Variants in UBR1 observed in about 807,000 individuals in gnomAD.
The protein encoded by UBR1 is ubiquitin protein ligase E3 component n-recognin 1.
A neutral mutation model predicts 242.1 loss-of-function variants in UBR1; 102 were observed. That is an observed-to-expected ratio of 0.42 (90% confidence interval 0.36 to 0.50). UBR1 has a LOEUF of 0.50. Ranked by LOEUF, UBR1 falls within the 20% of genes least tolerant of loss-of-function variation. UBR1 has a pLI of 0.01. For missense variants in UBR1, 1,772 were observed against 2,101.8 expected (o/e 0.84, Z 3.07); for synonymous variants, 675 against 684.8 (o/e 0.99, Z 0.22).
intron 1 of UBR1, among the ~76,000 whole-genome samples, chr15:43,094,243 G>A (rs559869190): frequency 9.3e-4 from 142 of 152,036 alleles, no homozygotes; most frequent in African/African-American, 3.3e-3. Context: ...CAGCCTGGCC[G>A]ACATGATGAA....
At chr15:43,021,481 C>G in intron 26 of UBR1, 106 bp from the exon 27 acceptor site, 2 of 929,606 alleles carry the variant, frequency 2.2e-6, no homozygotes, top group Non-Finnish European at 3.5e-6. Context: ...TCCACTAATG[C>G]TCAATTCCCT....
chr15:43,055,727 C>T (rs190103548), intron 11 of UBR1, among the ~76,000 whole-genome samples: 1 of 152,168 alleles, frequency 6.6e-6, no homozygotes, highest in Admixed American at 6.5e-5. Flanking sequence ...CCAGCCTGGC[C>T]AACATGGTGA....
chr15:43,022,708 C>A lies in UBR1; in HGVS notation c.2833G>T (p.Ala945Ser). 2 of 1,607,086 alleles carry A rather than the reference C, an allele frequency of 1.2e-6. No individual in the cohort carries two copies. Among genetic ancestry groups the A allele is most frequent in the African/African-American group, 1.3e-5 (1 of 74,854 alleles). ...EEVTFDFYHK[A>S]SRLGSSAMNI... ...GAGTGATACTCAAACATACTTGAAG[C>A]CTTATGATAAAAGTCAAATGTTACT... Residue 945 changes from alanine to serine, a missense_variant, in exon 26 of 47, where the codon GCT (alanine) becomes TCT (serine). This residue lies in a region of UBR1 where 965 missense variants were observed against 1,079.7 expected (regional missense o/e 0.89). Transcript: ENST00000290650.
intron 1 of UBR1, among the ~76,000 whole-genome samples, chr15:43,102,582 T>C (rs1220008426): frequency 6.6e-6 from 1 of 152,194 alleles, no homozygotes; most frequent in Non-Finnish European, 1.5e-5. Context: ...GAAAATCTAG[T>C]CGAGGAAGAC....
At chr15:43,032,668 A>C in intron 19 of UBR1, 37 bp from the exon 20 acceptor site, 3 of 1,264,870 alleles carry the variant, frequency 2.4e-6, no homozygotes, top group Non-Finnish European at 3.4e-6. Context: ...GTTATGGAAG[A>C]ACCAAAAACC....
chr15:42,982,619 G>A (rs1887696537), intron 37 of UBR1, among the ~76,000 whole-genome samples: 1 of 152,202 alleles, frequency 6.6e-6, no homozygotes, highest in South Asian at 2.1e-4. Context: ...CACATCAACA[G>A]GATGAGCGGA....
chr15:43,076,131 C>G (rs1221189982), intron 3 of UBR1, among the ~76,000 whole-genome samples: 4 of 149,156 alleles, frequency 2.7e-5, no homozygotes, highest in African/African-American at 9.7e-5. Flanking sequence ...CGCGCCGCCA[C>G]GCCTGACTGG....
At chr15:42,968,533 GATT>G (rs112426585) in intron 40 of UBR1, among the ~76,000 whole-genome samples, 14 of 151,064 alleles carry the variant, frequency 9.3e-5, no homozygotes, top group Non-Finnish European at 1.5e-4. Context: ...CTTCATAACT[GATT>G]ATTATTATTA....
intron 11 of UBR1, 144 bp from the exon 12 acceptor site, chr15:43,055,043 A>G: frequency 1.0e-6 from 1 of 988,496 alleles, no homozygotes; most frequent in Non-Finnish European, 1.5e-6. Flanking sequence ...GTTTCACTGA[A>G]TAGCAACTAC....
chr15:42,993,603 A>C (rs2032589567), intron 33 of UBR1, among the ~76,000 whole-genome samples: 1 of 152,028 alleles, frequency 6.6e-6, no homozygotes, highest in East Asian at 1.9e-4. Context: ...CCTGGCCTCA[A>C]GAGATCTGCC....
chr15:43,095,926 C>G (rs2034154031), intron 1 of UBR1, among the ~76,000 whole-genome samples: 1 of 152,160 alleles, frequency 6.6e-6, no homozygotes. Flanking sequence ...AAGTGAGTCA[C>G]ACAAATTTTT....
chr15:42,947,933 A>G (rs1022790445), intron 46 of UBR1, among the ~76,000 whole-genome samples: 49 of 152,230 alleles, frequency 3.2e-4, no homozygotes, highest in African/African-American at 1.2e-3. Context: ...GGAAAAAACT[A>G]CTTTAAAGTT....
At chr15:43,017,661 T>C (rs1210947754) in intron 27 of UBR1, among the ~76,000 whole-genome samples, 2 of 151,714 alleles carry the variant, frequency 1.3e-5, no homozygotes, top group Admixed American at 6.6e-5. Context: ...AATACAAAAA[T>C]TAGCTGGGCG....
rs373655231 is a variant in UBR1, at chr15:43,104,834, TAATAAA to T, written c.81+1102_81+1107del. On this transcript the variant is annotated intron_variant, in intron 1 of 46. Transcript: ENST00000290650. The stretch of plus-strand genomic sequence containing the variant: ...GGCCAACATGGTGAAACCCCGTCTC[TAATAAA>T]AATAAAAATAAAAAAAATTAGGCAA... Among the ~76,000 whole-genome samples the T allele has an allele frequency of 8.8e-3, 1,337 of 152,012 alleles. 13 individuals carry two copies. Among genetic ancestry groups the T allele is most frequent in the African/African-American group, 0.031 (1,272 of 41,436 alleles).
At chr15:43,068,827 G>A (rs2033787726) in intron 5 of UBR1, among the ~76,000 whole-genome samples, 1 of 152,016 alleles carries the variant, frequency 6.6e-6, no homozygotes, top group Non-Finnish European at 1.5e-5. Context: ...CACCATGTTG[G>A]CCAAGCTGCT....
At chr15:42,989,190 A>T (rs1424762773) in intron 34 of UBR1, among the ~76,000 whole-genome samples, 2 of 152,254 alleles carry the variant, frequency 1.3e-5, no homozygotes, top group African/African-American at 4.8e-5. Context: ...CTCTTATAAA[A>T]TGCTAATGAC....
At chr15:43,068,352 G>A (rs1017303370) in intron 5 of UBR1, among the ~76,000 whole-genome samples, 1 of 151,628 alleles carries the variant, frequency 6.6e-6, no homozygotes, top group African/African-American at 2.4e-5. Context: ...CCACACCCCA[G>A]CTAATTTTTG....
chr15:43,036,999 A>G (rs1242916670), intron 17 of UBR1, among the ~76,000 whole-genome samples: 1 of 151,884 alleles, frequency 6.6e-6, no homozygotes, highest in African/African-American at 2.4e-5. Context: ...AGGTAAACGC[A>G]TAATACCATT....
intron 10 of UBR1, among the ~76,000 whole-genome samples, chr15:43,058,022 G>C (rs2033639527): frequency 6.6e-6 from 1 of 151,294 alleles, no homozygotes; most frequent in African/African-American, 2.4e-5. Flanking sequence ...TGATTTTCCT[G>C]CCTCAGCCTC....
Sources: gnomAD v4.1 joint callset for allele counts (sites outside exome capture counted in the v4.1 genomes callset) on GRCh38, gnomAD v4.1.1 for gene constraint, gnomAD v4.1.1 regional missense constraint, MANE v1.5 for transcripts, NCBI Gene and HGNC (gene_info 2026-07-23, HGNC 2026-07-21) for gene names.